The following FAM135B variants were observed in gnomAD, a reference collection of about 807,000 sequenced individuals.
The protein encoded by FAM135B is protein FAM135B.
Under a neutral mutation model 127.7 loss-of-function variants are expected in FAM135B, and 43 were observed. The observed-to-expected ratio is 0.34, with a 90% CI of 0.26 to 0.43. The LOEUF (loss-of-function observed/expected upper bound fraction) is 0.43, where lower values mean the gene tolerates loss of function less well. Among genes scored for constraint, FAM135B ranks in the 20% least tolerant of loss-of-function variants. The pLI is 1.00. For synonymous variants in FAM135B, 670 were observed against 665.1 expected (o/e 1.01, Z -0.11); for missense variants, 1,558 against 1,725.6 (o/e 0.90, Z 1.72).
chr8:138,267,207 C>T (rs1169667032), intron 3 of FAM135B, among the ~76,000 whole-genome samples: 1 of 152,146 alleles, frequency 6.6e-6, no homozygotes, highest in Admixed American at 6.5e-5. Context: ...GTCTGTTCCC[C>T]TCACCTTTCC....
intron 1 of FAM135B, among the ~76,000 whole-genome samples, chr8:138,413,377 T>A (rs1833966818): frequency 6.6e-6 from 1 of 152,110 alleles, no homozygotes; most frequent in East Asian, 1.9e-4. Flanking sequence ...AGTTAATTAT[T>A]ATGTATTTTT....
intron 1 of FAM135B, among the ~76,000 whole-genome samples, chr8:138,435,391 A>G (rs1835406325): frequency 1.3e-5 from 2 of 152,262 alleles, no homozygotes; most frequent in East Asian, 1.9e-4. Flanking sequence ...CCCCTAACCA[A>G]TGGTGAAGCT....
At chr8:138,497,591 G>A (rs1418823980), upstream of FAM135B, among the ~76,000 whole-genome samples, 1 of 152,192 alleles carries the variant, frequency 6.6e-6, no homozygotes, top group Admixed American at 6.5e-5. Flanking sequence ...ACAAGTAGAT[G>A]CCTGAGAAAG....
chr8:138,474,244 G>T (rs978712815), intron 1 of FAM135B, among the ~76,000 whole-genome samples: 2 of 152,092 alleles, frequency 1.3e-5, no homozygotes, highest in Admixed American at 6.6e-5. Flanking sequence ...CAAAAAGTAA[G>T]GACGTTGAGG....
intron 3 of FAM135B, among the ~76,000 whole-genome samples, chr8:138,291,525 T>C (rs1411803293): frequency 3.3e-5 from 5 of 150,618 alleles, no homozygotes; most frequent in Non-Finnish European, 7.4e-5. Flanking sequence ...CTGATGAACA[T>C]AGATGCAAAT....
chr8:138,317,869 T>A (rs150868882), intron 2 of FAM135B, among the ~76,000 whole-genome samples: 2 of 152,342 alleles, frequency 1.3e-5, no homozygotes, highest in East Asian at 3.9e-4. Context: ...CATGTGCCTC[T>A]GTGTGAGGGC....
At chr8:138,253,446 C>T (rs1365457080) in intron 5 of FAM135B, among the ~76,000 whole-genome samples, 2 of 152,076 alleles carry the variant, frequency 1.3e-5, no homozygotes, top group Admixed American at 6.5e-5. Context: ...GTGCACTCTA[C>T]GATGTGAAGC....
intron 2 of FAM135B, among the ~76,000 whole-genome samples, chr8:138,332,348 G>C (rs1368396166): frequency 6.6e-6 from 1 of 152,078 alleles, no homozygotes; most frequent in Non-Finnish European, 1.5e-5. Flanking sequence ...CTCTTGGGGA[G>C]GAAAAAATAT....
intron 1 of FAM135B, among the ~76,000 whole-genome samples, chr8:138,495,512 C>A (rs562080261): frequency 7.2e-5 from 11 of 152,148 alleles, no homozygotes; most frequent in Non-Finnish European, 1.3e-4. Context: ...AGAACATAGC[C>A]TTTTAACTGG....
intron 2 of FAM135B, among the ~76,000 whole-genome samples, chr8:138,338,468 T>C (rs1277572677): frequency 4.6e-5 from 7 of 152,048 alleles, no homozygotes; most frequent in African/African-American, 1.2e-4. Flanking sequence ...CAGACACTTC[T>C]CAAAAGAAGA....
intron 1 of FAM135B, among the ~76,000 whole-genome samples, chr8:138,430,985 C>T (rs1193788843): frequency 6.6e-6 from 1 of 152,128 alleles, no homozygotes; most frequent in Non-Finnish European, 1.5e-5. Context: ...ATCATGCCCA[C>T]ACAGAGTAAG....
intron 9 of FAM135B, among the ~76,000 whole-genome samples, chr8:138,183,174 G>C (rs558947241): frequency 1.3e-5 from 2 of 152,180 alleles, no homozygotes; most frequent in Non-Finnish European, 2.9e-5. Context: ...AGAGTTACAA[G>C]GCACTGTGTG....
intron 1 of FAM135B, among the ~76,000 whole-genome samples, chr8:138,487,865 G>A (rs543455042): frequency 3.8e-4 from 58 of 152,200 alleles, no homozygotes; most frequent in Non-Finnish European, 7.4e-4. Context: ...TTAGCCAGGC[G>A]TGGTGGTGGG....
At chr8:138,277,219 T>G (rs1042100499) in intron 3 of FAM135B, among the ~76,000 whole-genome samples, 4 of 152,148 alleles carry the variant, frequency 2.6e-5, no homozygotes, top group Non-Finnish European at 5.9e-5. Context: ...GCAGCTGACA[T>G]TTTTCCTTCC....
At chr8:138,288,403 G>A (rs1824858534) in intron 3 of FAM135B, among the ~76,000 whole-genome samples, 2 of 152,182 alleles carry the variant, frequency 1.3e-5, no homozygotes, top group Admixed American at 6.6e-5. Flanking sequence ...CCGGGGTGCT[G>A]TGAGGGAAGT....
chr8:138,291,082 C>T (rs1305564812), intron 3 of FAM135B, among the ~76,000 whole-genome samples: 1 of 152,108 alleles, frequency 6.6e-6, no homozygotes, highest in Non-Finnish European at 1.5e-5. Flanking sequence ...GAAAAATTAT[C>T]AAATATCTAC....
rs2130379394 is a variant in FAM135B, at chr8:138,242,876, A to T, written c.669+66T>A. Reference sequence around the variant, plus strand: ...GATGTTTCAAAGAAGCATGAATCTCATAGAACATACACTCTGCAAAGTAAA... The same window carrying T: ...GATGTTTCAAAGAAGCATGAATCTCTTAGAACATACACTCTGCAAAGTAAA... On this transcript the variant is annotated intron_variant, in intron 7 of 19. Transcript: ENST00000395297. This position sits in a 1 kb window ranked among gnomAD's most constrained non-coding sequence, Gnocchi z 9.6. 1.9e-6 allele frequency: 3 copies of T among 1,539,352 alleles called. No individual in the cohort carries two copies. Among genetic ancestry groups the T allele is most frequent in the Non-Finnish European group, 2.6e-6 (3 of 1,144,636 alleles).
At chr8:138,203,913 A>C (rs180878708) in intron 7 of FAM135B, among the ~76,000 whole-genome samples, 6 of 152,308 alleles carry the variant, frequency 3.9e-5, no homozygotes, top group Non-Finnish European at 8.8e-5. Flanking sequence ...CTCATAAGGA[A>C]TGGGCAACCT....
chr8:138,378,654 C>G (rs1213916563), intron 1 of FAM135B, among the ~76,000 whole-genome samples: 1 of 152,074 alleles, frequency 6.6e-6, no homozygotes, highest in Non-Finnish European at 1.5e-5. Context: ...GAAAATGCAG[C>G]CCCAGGCATT....
Sources: gnomAD v4.1 joint callset for allele counts (sites outside exome capture counted in the v4.1 genomes callset) on GRCh38, gnomAD v4.1.1 for gene constraint, Gnocchi (gnomAD v3.1) non-coding constraint, MANE v1.5 for transcripts, NCBI Gene and HGNC (gene_info 2026-07-23, HGNC 2026-07-21) for gene names.